PKHD1L1: variants seen among roughly 807,000 people sequenced by gnomAD.
PKHD1L1 encodes PKHD1 like 1.
Under a neutral mutation model 462.9 loss-of-function variants are expected in PKHD1L1, and 434 were observed. The observed-to-expected ratio is 0.94, with a 90% confidence interval of 0.87 to 1.02. The LOEUF (loss-of-function observed/expected upper bound fraction) is 1.02. Among genes scored for constraint, PKHD1L1 ranks in the 50% least tolerant of loss-of-function variants. The probability of loss-of-function intolerance (pLI) is 0.00; values close to 1 mark genes in which losing one functional copy is unlikely to be tolerated. For missense variants in PKHD1L1, 5,202 were observed against 5,096.1 expected, an observed-to-expected ratio of 1.02 and a Z score of -0.63; for synonymous variants, 1,781 against 1,750.0, an observed-to-expected ratio of 1.02 and a Z score of -0.44.
At chr8:109,400,745 C>A (rs900599642) in intron 13 of PKHD1L1, among the ~76,000 whole-genome samples, 7 of 151,960 alleles carry the variant, frequency 4.6e-5, no homozygotes, top group Non-Finnish European at 7.4e-5. Flanking sequence ...GTTTACCAAG[C>A]TTAGATAACC....
rs149293696 is a variant in PKHD1L1, at chr8:109,400,092, G to A, written c.1029G>A (p.Lys343=). Residue 343 remains lysine, a synonymous_variant, in exon 13 of 78, where the codon AAG becomes AAA. Coordinates refer to ENST00000378402, the MANE Select transcript of PKHD1L1 (RefSeq NM_177531.6). ...KTVYPGGRGL[K]LEVWNNSRPI... ...TACACTTAGGAGGGAGAGGCCTGAA[G>A]CTTGAGGTGTGGAATAATAGCCGTC... is the stretch of plus-strand genomic sequence containing the variant. The A allele has an allele frequency of 7.3e-5, 117 of 1,612,906 alleles. 1 individual carries two copies. Among genetic ancestry groups the A allele is most frequent in the Middle Eastern group, 5.0e-4 (3 of 6,054 alleles).
At chr8:109,399,952 G>T in intron 12 of PKHD1L1, 124 bp from the exon 13 acceptor site, 2 of 1,032,288 alleles carry the variant, frequency 1.9e-6, no homozygotes, top group Non-Finnish European at 2.8e-6. Context: ...TAATTGTTTT[G>T]TCTGCACACA....
chr8:109,454,324 T>C (rs1816700842), intron 44 of PKHD1L1, 78 bp downstream of exon 44: 2 of 929,356 alleles, frequency 2.2e-6, no homozygotes, highest in Non-Finnish European at 3.2e-6. Context: ...GTAAAATGGA[T>C]AGTTAATTAT....
rs750033837 is a variant in PKHD1L1, at chr8:109,527,067, CAGTG to C, written c.12721+48_12721+51del. 8 of 1,468,762 alleles carry C rather than the reference CAGTG, an allele frequency of 5.4e-6. No individual in the cohort carries two copies. In the South Asian group the frequency reaches 1.0e-4, roughly 18 times the overall value. The allele number at this position is 1,468,762 out of a possible 1,614,324, so 91.0% of individuals were successfully genotyped here. A position where few individuals can be genotyped will look rare whatever the true frequency, so the allele number is the denominator to read the frequency against. On this transcript the variant is annotated intron_variant, in intron 77 of 77. Transcript: ENST00000378402. ...ATTATTTCTCCACATGTTGAAGTAC[CAGTG>C]TTTACTGGATAAAGGCTGTGTGCAC...
rs558065719 is a variant in PKHD1L1 at position 109,450,832 on chromosome 8, T to A, written c.6176-143T>A. ...TTTTTGGCTATTGCTAGAGGGCCAC[T>A]ATTATTCACATGTAGCCTAGGTATA... On this transcript the variant is annotated intron_variant, in intron 40 of 77. Coordinates refer to ENST00000378402, the MANE Select transcript of PKHD1L1 (RefSeq NM_177531.6). 2.0e-5 allele frequency: 16 copies of A among 781,756 alleles called. No individual in the cohort carries two copies. The African/African-American group carries it at 2.6e-4, about 13-fold the overall frequency. 48.4% of individuals were successfully genotyped at this position (781,756 alleles called of 1,614,324 possible). A position where few individuals can be genotyped will look rare whatever the true frequency, so the allele number is the denominator to read the frequency against.
intron 32 of PKHD1L1, 118 bp downstream of exon 32, chr8:109,439,210 T>G (rs997833194): frequency 3.2e-6 from 3 of 930,340 alleles, no homozygotes; most frequent in Non-Finnish European, 4.8e-6. Context: ...TACCTTCCTA[T>G]ATCTTCTTTG....
Position 109,486,533 on chromosome 8 carries a change from A to G in PKHD1L1, c.9707-115A>G, listed in dbSNP as rs907155122. ...GTTTAACATGTAAATGTAATCATGC[A>G]TTCATGTTCATTTTTGGCTTATTAG... On this transcript the variant is annotated intron_variant, in intron 58 of 77. Transcript: ENST00000378402. 4 of 833,090 alleles carry G rather than the reference A, an allele frequency of 4.8e-6. No individual in the cohort carries two copies. In the East Asian group the frequency reaches 1.0e-4, roughly 22 times the overall value. 51.6% of individuals were successfully genotyped at this position (833,090 alleles called of 1,614,324 possible).
chr8:109,431,323 A>G (rs1201258449), intron 27 of PKHD1L1, among the ~76,000 whole-genome samples: 2 of 151,702 alleles, frequency 1.3e-5, no homozygotes, highest in Non-Finnish European at 2.9e-5. Flanking sequence ...AAATACATAT[A>G]TTTTTCACTG....
At chr8:109,526,425 C>T (rs1260696032) in intron 76 of PKHD1L1, among the ~76,000 whole-genome samples, 2 of 152,150 alleles carry the variant, frequency 1.3e-5, no homozygotes, top group Admixed American at 6.6e-5. Context: ...AGGTCAAGTA[C>T]GAAGGGATGA....
chr8:109,456,554 G>C (rs779568687), intron 46 of PKHD1L1, among the ~76,000 whole-genome samples, 163 bp downstream of exon 46: 6 of 152,058 alleles, frequency 3.9e-5, no homozygotes, highest in East Asian at 3.9e-4. Flanking sequence ...GTTAACATTA[G>C]GTTGATCACA....
rs530450763 is a variant in PKHD1L1, at chr8:109,424,894, T to TTTGG, written c.2698-190_2698-187dup. On this transcript the variant is annotated intron_variant, in intron 23 of 77. Transcript: ENST00000378402. ...TTGCTGCACAGATGAATGAGTTGAC[T>TTTGG]TTGGCCTCATTATTGCAGCCATATA... Among the ~76,000 whole-genome samples, 34 of 152,290 alleles carry TTTGG rather than the reference T, an allele frequency of 2.2e-4. No homozygotes were observed. In the East Asian group the frequency reaches 6.4e-3, roughly 28 times the overall value.
Position 109,459,593 on chromosome 8 carries a change from A to T in PKHD1L1, c.7005-2A>T, listed in dbSNP as rs977668300. The T allele has an allele frequency of 3.3e-6, 5 of 1,498,194 alleles. No homozygotes were observed. The African/African-American group carries it at 7.1e-5, about 21-fold the overall frequency. 92.8% of individuals were successfully genotyped at this position (1,498,194 alleles called of 1,614,324 possible). A position where few individuals can be genotyped will look rare whatever the true frequency, so the allele number is the denominator to read the frequency against. ...AAAATTTTTTTGTCAAAATTTTTAC[A>T]GACACAGTCAAGGAGAGAATGAAAA... On this transcript the variant is annotated splice_acceptor_variant, in intron 46 of 77. Transcript: ENST00000378402. LOFTEE classifies it high-confidence loss of function.
rs573479190 is a variant in PKHD1L1 at position 109,515,038 on chromosome 8, T to A, written c.11554-132T>A. The A allele has an allele frequency of 6.1e-6, 4 of 658,144 alleles. No individual in the cohort carries two copies. In the African/African-American group the frequency reaches 7.5e-5, roughly 12 times the overall value. The allele number at this position is 658,144 out of a possible 1,614,324, so 40.8% of individuals were successfully genotyped here. ...AAGCCCATTTTAAAATTTTAGTTCA[T>A]CCCTTATCCCAAATCCATAAAACTT... On this transcript the variant is annotated intron_variant, in intron 71 of 77. Coordinates refer to ENST00000378402, the MANE Select transcript of PKHD1L1 (RefSeq NM_177531.6).
intron 71 of PKHD1L1, among the ~76,000 whole-genome samples, chr8:109,511,301 G>C (rs1042195293): frequency 1.3e-5 from 2 of 151,476 alleles, no homozygotes; most frequent in Non-Finnish European, 2.9e-5. Flanking sequence ...CCATTAACCC[G>C]TCATTTAGCA....
chr8:109,383,403 G>A (rs10808430), intron 4 of PKHD1L1, among the ~76,000 whole-genome samples: 33,669 of 109,528 alleles, frequency 0.31, 5,339 homozygotes, highest in East Asian at 0.43. Context: ...TATATATTAC[G>A]TATAATTATA....
At chr8:109,384,922 TTATA>T (rs1237829120) in intron 5 of PKHD1L1, among the ~76,000 whole-genome samples, 2 of 152,052 alleles carry the variant, frequency 1.3e-5, no homozygotes, top group Non-Finnish European at 2.9e-5. Context: ...CAAGGATTCT[TTATA>T]TATCCTTAAA....
At chr8:109,490,737 A>G (rs931200890) in intron 60 of PKHD1L1, among the ~76,000 whole-genome samples, 5 of 151,762 alleles carry the variant, frequency 3.3e-5, no homozygotes, top group Non-Finnish European at 7.4e-5. Flanking sequence ...TGAAATCTGC[A>G]TTTAAAGTAA....
At chr8:109,521,342 C>T (rs1177648109) in intron 73 of PKHD1L1, among the ~76,000 whole-genome samples, 2 of 152,176 alleles carry the variant, frequency 1.3e-5, no homozygotes, top group African/African-American at 4.8e-5. Flanking sequence ...GCCTGCAATA[C>T]ACCAAAACAT....
intron 12 of PKHD1L1, among the ~76,000 whole-genome samples, 156 bp from the exon 13 acceptor site, chr8:109,399,920 C>T (rs1334586323): frequency 6.6e-6 from 1 of 152,102 alleles, no homozygotes; most frequent in Non-Finnish European, 1.5e-5. Flanking sequence ...CCTCTGGCTG[C>T]AGATACGTGT....
Sources: gnomAD v4.1 joint callset for allele counts (sites outside exome capture counted in the v4.1 genomes callset) on GRCh38, gnomAD v4.1.1 for gene constraint, MANE v1.5 for transcripts, NCBI Gene and HGNC (gene_info 2026-07-23, HGNC 2026-07-21) for gene names.